FHIT: variants seen among roughly 807,000 people sequenced by gnomAD.
FHIT encodes the protein fragile histidine triad diadenosine triphosphatase, also known as bis(5'-adenosyl)-triphosphatase.
A neutral mutation model predicts 17.9 loss-of-function variants in FHIT; 19 were observed. That is an observed-to-expected ratio of 1.06 (90% CI 0.74 to 1.56). The LOEUF (loss-of-function observed/expected upper bound fraction) is 1.56, where lower values mean the gene tolerates loss of function less well. Ranked by LOEUF, FHIT falls within the 40% of genes most tolerant of loss-of-function variation. The pLI, the probability that FHIT is intolerant of heterozygous loss-of-function variation, is 0.00. For missense variants in FHIT, 248 were observed against 189.2 expected (o/e 1.31, Z -1.82); for synonymous variants, 81 against 69.7 (o/e 1.16, Z -0.81).
chr3:61,051,668 T>C (rs1047312632), intron 2 of FHIT, among the ~76,000 whole-genome samples: 3 of 152,136 alleles, frequency 2.0e-5, no homozygotes, highest in Admixed American at 6.5e-5. Flanking sequence ...TGATAGATGT[T>C]TGTTGCATGA....
Position 60,624,312 on chromosome 3 carries a change from T to A in FHIT, c.-17-87333A>T, listed in dbSNP as rs552451497. The stretch of plus-strand genomic sequence containing the variant: ...CATGCTGAGCAGCTTGGGCTTCAAC[T>A]TGACAATGATGAACACATATTTGGC... On this transcript the variant is annotated intron_variant, in intron 4 of 9. Transcript: ENST00000492590. Among the ~76,000 whole-genome samples the A allele has an allele frequency of 3.9e-5, 6 of 152,304 alleles. 1 individual carries two copies. Among genetic ancestry groups the A allele is most frequent in the Admixed American group, 2.6e-4 (4 of 15,298 alleles).
intron 4 of FHIT, among the ~76,000 whole-genome samples, chr3:60,675,602 G>T (rs2040605096): frequency 6.6e-6 from 1 of 152,218 alleles, no homozygotes; most frequent in African/African-American, 2.4e-5. Flanking sequence ...GCCCTTCCTT[G>T]GTGGTAGTTA....
At chr3:60,276,707 A>T (rs558929191) in intron 5 of FHIT, among the ~76,000 whole-genome samples, 3 of 152,268 alleles carry the variant, frequency 2.0e-5, no homozygotes, top group Admixed American at 6.5e-5. Context: ...GCTGTATAGG[A>T]AGCATAACAC....
chr3:59,961,002 G>C (rs553209022), intron 7 of FHIT, among the ~76,000 whole-genome samples: 32 of 152,320 alleles, frequency 2.1e-4, no homozygotes, highest in African/African-American at 7.2e-4. Flanking sequence ...GACGATTCTT[G>C]ATTCATTCAT....
At chr3:60,772,489 T>C (rs1224947003) in intron 4 of FHIT, among the ~76,000 whole-genome samples, 4 of 152,100 alleles carry the variant, frequency 2.6e-5, no homozygotes, top group African/African-American at 9.7e-5. Flanking sequence ...GTTGTATCAA[T>C]GAGAAAATTA....
intron 5 of FHIT, among the ~76,000 whole-genome samples, chr3:60,225,117 G>C (rs149500116): frequency 4.6e-5 from 7 of 152,198 alleles, no homozygotes; most frequent in African/African-American, 1.7e-4. Flanking sequence ...GTCCTTCATA[G>C]CATTTTGTGT....
intron 5 of FHIT, among the ~76,000 whole-genome samples, chr3:60,477,057 T>G (rs946760425): frequency 1.2e-4 from 19 of 152,152 alleles, no homozygotes; most frequent in African/African-American, 4.6e-4. Flanking sequence ...AGTTCAGTAC[T>G]TTTAAGCAAA....
chr3:60,631,817 T>G (rs1416687014), intron 4 of FHIT, among the ~76,000 whole-genome samples: 1 of 152,066 alleles, frequency 6.6e-6, no homozygotes, highest in African/African-American at 2.4e-5. Flanking sequence ...AAAATCCGAC[T>G]CTCATTTGCA....
At chr3:60,804,187 C>T (rs1701301216) in intron 4 of FHIT, among the ~76,000 whole-genome samples, 1 of 152,164 alleles carries the variant, frequency 6.6e-6, no homozygotes, top group Admixed American at 6.5e-5. Flanking sequence ...CAATTTAGCT[C>T]CACGGAGGGC....
chr3:60,011,220 T>C (rs7612646), intron 7 of FHIT, 151 bp downstream of exon 7: 54,702 of 652,286 alleles, frequency 0.084, 2,910 homozygotes, highest in South Asian at 0.14. Flanking sequence ...GAGTTTATAA[T>C]GTCAGGATTT....
At chr3:59,857,662 TAC>T (rs1702214448) in intron 8 of FHIT, among the ~76,000 whole-genome samples, 1 of 150,550 alleles carries the variant, frequency 6.6e-6, no homozygotes, top group East Asian at 2.0e-4. Flanking sequence ...TGTTAAAGAT[TAC>T]AGAGTGACGT....
intron 7 of FHIT, among the ~76,000 whole-genome samples, chr3:59,923,618 G>A (rs1385684042): frequency 6.6e-6 from 1 of 152,218 alleles, no homozygotes; most frequent in South Asian, 2.1e-4. Flanking sequence ...TTCTGCCCTT[G>A]AGCTATGTTC....
intron 5 of FHIT, among the ~76,000 whole-genome samples, chr3:60,066,225 G>A (rs535754284): frequency 6.6e-6 from 1 of 152,080 alleles, no homozygotes; most frequent in South Asian, 2.1e-4. Context: ...AAATTAAAAT[G>A]TAAGTCAAAC....
intron 4 of FHIT, among the ~76,000 whole-genome samples, chr3:60,725,628 T>G (rs1474481762): frequency 6.6e-6 from 1 of 152,222 alleles, no homozygotes; most frequent in African/African-American, 2.4e-5. Flanking sequence ...ACAAACTGCC[T>G]GAAAGCCTTT....
Position 61,035,232 on chromosome 3 carries a change from G to A in FHIT, c.-111+6815C>T, listed in dbSNP as rs947090942. 3.9e-5 allele frequency among the ~76,000 whole-genome samples: 6 copies of A among 152,166 alleles called. 1 individual carries two copies. Among genetic ancestry groups the A allele is most frequent in the Non-Finnish European group, 7.4e-5 (5 of 68,022 alleles). On this transcript the variant is annotated intron_variant, in intron 3 of 9. Transcript: ENST00000492590. Reference sequence around the variant, plus strand: ...ATAGAGATGATGATTGCACGGCACTGTCAGTGAGTTAAACGCCACTGGATT... The same window carrying A: ...ATAGAGATGATGATTGCACGGCACTATCAGTGAGTTAAACGCCACTGGATT...
intron 5 of FHIT, among the ~76,000 whole-genome samples, chr3:60,189,234 TG>T (rs1417665037): frequency 6.7e-6 from 1 of 150,336 alleles, no homozygotes; most frequent in Non-Finnish European, 1.5e-5. Context: ...ATTTAGAAGC[TG>T]GGGGTGGGGG....
intron 8 of FHIT, among the ~76,000 whole-genome samples, chr3:59,808,307 G>C (rs1335705008): frequency 6.6e-6 from 1 of 152,162 alleles, no homozygotes; most frequent in East Asian, 1.9e-4. Flanking sequence ...GCCAAGGCTA[G>C]AAGTCCACAT....
intron 2 of FHIT, among the ~76,000 whole-genome samples, chr3:61,058,969 C>A (rs979098332): frequency 6.6e-6 from 1 of 152,206 alleles, no homozygotes; most frequent in African/African-American, 2.4e-5. Flanking sequence ...CAAGACTCTA[C>A]TCCTCCAAAC....
At chr3:60,128,160 G>C (rs1236393173) in intron 5 of FHIT, among the ~76,000 whole-genome samples, 1 of 152,138 alleles carries the variant, frequency 6.6e-6, no homozygotes, top group Non-Finnish European at 1.5e-5. Context: ...TAAGTGAATT[G>C]AATATTGAAC....
Sources: allele counts gnomAD v4.1 joint callset (sites outside exome capture counted in the v4.1 genomes callset), GRCh38; gene constraint gnomAD v4.1.1; transcripts MANE v1.5; gene names NCBI Gene and HGNC (gene_info 2026-07-23, HGNC 2026-07-21).